The following XDH variants were observed in gnomAD, a reference collection of about 807,000 sequenced individuals.
The protein encoded by XDH is xanthine dehydrogenase.
A neutral mutation model predicts 156.1 loss-of-function variants in XDH; 138 were observed. That is an observed-to-expected ratio of 0.88 (90% confidence interval 0.77 to 1.02). The LOEUF is 1.02. XDH is among the 50% of genes least tolerant of loss of function. The probability of loss-of-function intolerance (pLI) is 0.00; values close to 1 mark genes in which losing one functional copy is unlikely to be tolerated. For synonymous variants in XDH, 669 were observed against 625.7 expected, an observed-to-expected ratio of 1.07 and a Z score of -1.03; for missense variants, 1,849 against 1,684.9, an observed-to-expected ratio of 1.10 and a Z score of -1.71.
intron 23 of XDH, 22 bp downstream of exon 23, chr2:31,365,435 G>C (rs780989241): frequency 6.2e-7 from 1 of 1,613,638 alleles, no homozygotes; most frequent in East Asian, 2.2e-5. Flanking sequence ...TCCCGCCCCA[G>C]CACAGCCCCA....
chr2:31,339,551 TG>T lies in XDH; in HGVS notation c.3711del (p.Ile1238LeufsTer54). 6.2e-7 allele frequency: 1 copy of T among 1,614,152 alleles called. No individual in the cohort carries two copies. On this transcript the variant is annotated frameshift_variant, in exon 34 of 36. Transcript: ENST00000379416. LOFTEE classifies it high-confidence loss of function. ...CGGAGCAGGGACACCCTGAACTCAATGGGGATGCTGCCAAATGCCGGGATCT... is the reference window on the plus strand; with the variant it reads ...CGGAGCAGGGACACCCTGAACTCAATGGGATGCTGCCAAATGCCGGGATCT... The part of the protein sequence containing the change: ...TYKIPAFGSI[P>X]IEFRVSLLRD...
At chr2:31,414,591 A>T (rs200993896) in intron 1 of XDH, 34 bp downstream of exon 1, 1 of 1,613,244 alleles carries the variant, frequency 6.2e-7, no homozygotes, top group Non-Finnish European at 8.5e-7. Context: ...CCCAGGGAGA[A>T]GGGACACAAA....
chr2:31,366,015 C>T lies in XDH; in HGVS notation c.2417G>A (p.Ser806Asn). 6.2e-7 allele frequency: 1 copy of T among 1,614,206 alleles called. No individual in the cohort carries two copies. The highest frequency in any genetic ancestry group is 8.5e-7 in the Non-Finnish European group (1 of 1,180,040). ...GGCCACTGCCGTGGACACCACAGTGCTCCGGGTCTCCTTGCCTCCAAAGCC... is the reference window on the plus strand; with the variant it reads ...GGCCACTGCCGTGGACACCACAGTGTTCCGGGTCTCCTTGCCTCCAAAGCC... ...GGGFGGKETRSTVVSTAVALA... is the reference protein window; with the variant it reads ...GGGFGGKETRNTVVSTAVALA... The change falls in exon 22 of 36, where the codon AGC becomes AAC. Residue 806 changes from serine (S) to asparagine (N), a missense_variant. Physicochemically the swap from Ser to Asn is conservative, Grantham distance 46. Coordinates refer to ENST00000379416, the MANE Select transcript of XDH (RefSeq NM_000379.4).
intron 15 of XDH, among the ~76,000 whole-genome samples, chr2:31,374,676 TC>T (rs1178820076): frequency 1.9e-4 from 29 of 152,332 alleles, no homozygotes; most frequent in Admixed American, 1.6e-3. Context: ...ATCTCTGCTG[TC>T]CCTGCATCAG....
chr2:31,348,128 T>C (rs1572515714), intron 28 of XDH, 140 bp downstream of exon 28: 2 of 860,084 alleles, frequency 2.3e-6, no homozygotes, highest in East Asian at 2.7e-5. Context: ...GGAAAAGACT[T>C]GCCCGAGGCT....
chr2:31,408,413 C>A (rs1687250546), intron 1 of XDH, among the ~76,000 whole-genome samples: 1 of 152,192 alleles, frequency 6.6e-6, no homozygotes, highest in South Asian at 2.1e-4. Context: ...AACAGGATAC[C>A]AATGGGTATC....
In XDH at chr2:31,375,434, G is replaced by C; in HGVS notation, c.1548C>G (p.Phe516Leu). 1 of 1,614,202 alleles carries C rather than the reference G, an allele frequency of 6.2e-7. No individual in the cohort carries two copies. The highest frequency in any genetic ancestry group is 8.5e-7 in the Non-Finnish European group (1 of 1,180,028). ...DFRCTLTLSF[F>L]FKFYLTVLQK... The stretch of plus-strand genomic sequence containing the variant: ...GAAGGACTGTCAGGTAGAACTTGAA[G>C]AAGAAGCTGAGGGTGAGGGTGCACC... The change falls in exon 15 of 36, where the codon TTC becomes TTG. Residue 516 changes from phenylalanine to leucine, a missense_variant. Phe to Leu is a conservative substitution (Grantham distance 22, BLOSUM62 0). Transcript: ENST00000379416.
chr2:31,341,541 T>A, intron 32 of XDH, 147 bp from the exon 33 acceptor site: 1 of 862,340 alleles, frequency 1.2e-6, no homozygotes, highest in Non-Finnish European at 1.9e-6. Context: ...CAGGCAGAAG[T>A]GTTGATGTTC....
chr2:31,392,932 T>G (rs776700338), intron 6 of XDH, among the ~76,000 whole-genome samples: 10 of 152,262 alleles, frequency 6.6e-5, no homozygotes, highest in Middle Eastern at 6.8e-3. Context: ...CATTTGGGGG[T>G]TTTCCAGCTA....
In XDH at chr2:31,372,305, G is replaced by A; in HGVS notation, c.1779C>T (p.Tyr593=). The A allele has an allele frequency of 1.2e-6, 2 of 1,614,234 alleles. No homozygotes were observed. Among genetic ancestry groups the A allele is most frequent in the Non-Finnish European group, 1.7e-6 (2 of 1,180,044 alleles). Residue 593 remains tyrosine (Y), a synonymous_variant, in exon 17 of 36, where the codon TAC becomes TAT. Transcript: ENST00000379416. ...TCTCGTAGCGAGGAATGTCGTCACA[G>A]TACACGGCCTCACCAGAGGCCTGCA... ...ADMQASGEAV[Y]CDDIPRYENE...
chr2:31,366,810 G>T, intron 21 of XDH, 60 bp downstream of exon 21: 1 of 1,612,102 alleles, frequency 6.2e-7, no homozygotes, highest in Admixed American at 1.7e-5. Flanking sequence ...GGCCCTCCTG[G>T]TCTGCTAGGA....
chr2:31,400,136 A>G (rs1038780551), intron 4 of XDH, among the ~76,000 whole-genome samples: 4 of 152,000 alleles, frequency 2.6e-5, no homozygotes, highest in African/African-American at 9.7e-5. Flanking sequence ...AAGGAATAGT[A>G]CCAGCCTCTC....
Position 31,339,404 on chromosome 2 carries a change from G to A in XDH, c.3774+85C>T, listed in dbSNP as rs1213424462. On this transcript the variant is annotated intron_variant, in intron 34 of 35. Coordinates refer to ENST00000379416, the MANE Select transcript of XDH (RefSeq NM_000379.4). ...GATATGCCCTTTGAAGTCCCACCAGGTGGGTCACTGAGGCCTCTCATCACC... is the reference window on the plus strand; with the variant it reads ...GATATGCCCTTTGAAGTCCCACCAGATGGGTCACTGAGGCCTCTCATCACC... 3.2e-6 allele frequency: 5 copies of A among 1,567,784 alleles called. No homozygotes were observed. In the East Asian group the frequency reaches 6.7e-5, roughly 21 times the overall value.
intron 31 of XDH, among the ~76,000 whole-genome samples, chr2:31,343,795 A>G (rs1685206945): frequency 7.1e-6 from 1 of 141,754 alleles, no homozygotes; most frequent in Non-Finnish European, 1.5e-5. Context: ...TATGCCTTAT[A>G]TGTATAAACA....
intron 30 of XDH, 131 bp from the exon 31 acceptor site, chr2:31,344,867 T>G: frequency 1.1e-6 from 1 of 896,842 alleles, no homozygotes; most frequent in Non-Finnish European, 1.8e-6. Context: ...CCCATTTCCA[T>G]ACCTTACCTT....
intron 24 of XDH, among the ~76,000 whole-genome samples, chr2:31,352,862 C>T (rs1027981945): frequency 5.3e-5 from 8 of 149,614 alleles, no homozygotes; most frequent in Non-Finnish European, 8.9e-5. Context: ...AGGGGAATGT[C>T]GGCTTTTCCT....
chr2:31,383,957 A>C, intron 9 of XDH, 110 bp from the exon 10 acceptor site: 1 of 954,450 alleles, frequency 1.0e-6, no homozygotes, highest in Non-Finnish European at 1.6e-6. Flanking sequence ...ATCCACAATC[A>C]TAATATGCTC....
intron 16 of XDH, 131 bp downstream of exon 16, chr2:31,373,742 T>A: frequency 1.2e-6 from 1 of 852,500 alleles, no homozygotes. Context: ...ACTGGGTATT[T>A]ACGCACAAGA....
In XDH at chr2:31,387,853, G is replaced by C. The variant is rs780847009; in HGVS notation, c.609C>G (p.Pro203=). The C allele has an allele frequency of 1.3e-6, 2 of 1,589,062 alleles. No individual in the cohort carries two copies. The highest frequency in any genetic ancestry group is 1.7e-6 in the Non-Finnish European group (2 of 1,168,226). ...PSLFKPEEFT[P]LDPTQEPIFP... is the part of the protein sequence containing the mutation. ...AAATGGGCTCCTGGGTTGGATCCAG[G>C]GGCGTGAACTCCTCTGGTTTGAATA... The change falls in exon 8 of 36, where the codon CCC becomes CCG. Residue 203 remains proline (P), a synonymous_variant. Transcript: ENST00000379416.
Sources: gnomAD v4.1 joint callset for allele counts (sites outside exome capture counted in the v4.1 genomes callset) on GRCh38, gnomAD v4.1.1 for gene constraint, MANE v1.5 for transcripts, NCBI Gene and HGNC (gene_info 2026-07-23, HGNC 2026-07-21) for gene names.